Variants in TNFRSF10D observed in about 807,000 individuals in gnomAD.
The protein encoded by TNFRSF10D is tumor necrosis factor receptor superfamily member 10D.
Under a neutral mutation model 42.1 loss-of-function variants are expected in TNFRSF10D, and 28 were observed. The observed-to-expected ratio is 0.66, with a 90% CI of 0.49 to 0.91. The LOEUF is 0.91. TNFRSF10D is among the 40% of genes least tolerant of loss of function. The pLI, the probability that TNFRSF10D is intolerant of heterozygous loss-of-function variation, is 0.00. For missense variants in TNFRSF10D, 503 were observed against 486.1 expected, an observed-to-expected ratio of 1.03 and a Z score of -0.33; for synonymous variants, 186 against 189.4, an observed-to-expected ratio of 0.98 and a Z score of 0.15.
Position 23,154,765 on chromosome 8 carries a change from C to T in TNFRSF10D, c.256+109G>A, listed in dbSNP as rs571199290. The T allele has an allele frequency of 2.3e-5, 28 of 1,197,302 alleles. 1 individual carries two copies. In the Admixed American group the frequency reaches 3.1e-4, roughly 13 times the overall value. The allele number at this position is 1,197,302 out of a possible 1,614,324, so 74.2% of individuals were successfully genotyped here. ...AAGTATGTGAATTAGCTTGATTTAG[C>T]CATTTCACAATGCGTGCATATTTCC... On this transcript the variant is annotated intron_variant, in intron 2 of 8. Transcript: ENST00000312584.
intron 7 of TNFRSF10D, among the ~76,000 whole-genome samples, chr8:23,141,064 A>C (rs1057493652): frequency 6.6e-6 from 1 of 152,218 alleles, no homozygotes; most frequent in Non-Finnish European, 1.5e-5. Flanking sequence ...ATGAACTATA[A>C]GAATTCTAGA....
intron 2 of TNFRSF10D, among the ~76,000 whole-genome samples, chr8:23,149,674 C>T (rs1313743088): frequency 5.3e-5 from 8 of 152,022 alleles, no homozygotes; most frequent in African/African-American, 1.9e-4. Flanking sequence ...CGTCTCTGCT[C>T]GGTATCCCCC....
rs1363035091 is a variant in TNFRSF10D at position 23,154,883 on chromosome 8, A to G, written c.247T>C (p.Cys83Arg). 6.2e-7 allele frequency: 1 copy of G among 1,613,284 alleles called. No individual in the cohort carries two copies. Among genetic ancestry groups the G allele is most frequent in the Non-Finnish European group, 8.5e-7 (1 of 1,179,644 alleles). The change falls in exon 2 of 9, where the codon TGT becomes CGT. Residue 83 changes from cysteine (C) to arginine (R), a missense_variant. Coordinates refer to ENST00000312584, the MANE Select transcript of TNFRSF10D (RefSeq NM_003840.5). ...QQRRSLKEEE[C>R]PAGSHRSEYT... is the part of the protein sequence containing the mutation. Reference sequence around the variant, plus strand: ...AAAAATAAGAGTGCACCTGCTGGACACTCCTCCTCCTTGAGGCTGCGCCTC... The same window carrying G: ...AAAAATAAGAGTGCACCTGCTGGACGCTCCTCCTCCTTGAGGCTGCGCCTC...
intron 2 of TNFRSF10D, among the ~76,000 whole-genome samples, chr8:23,149,223 G>T (rs966869062): frequency 3.4e-5 from 5 of 146,238 alleles, no homozygotes; most frequent in Non-Finnish European, 7.5e-5. Flanking sequence ...GAAAAGAAAA[G>T]AAATATTTTA....
intron 7 of TNFRSF10D, among the ~76,000 whole-genome samples, 173 bp from the exon 8 acceptor site, chr8:23,138,433 C>G (rs1379136968): frequency 2.6e-5 from 4 of 152,166 alleles, no homozygotes; most frequent in African/African-American, 9.7e-5. Context: ...GCTGGTGGCT[C>G]ATTGAGACAT....
rs1800411359 is a variant in TNFRSF10D, at chr8:23,163,836, C to T, written c.100G>A (p.Asp34Asn). The T allele has an allele frequency of 6.2e-7, 1 of 1,607,990 alleles. No individual in the cohort carries two copies. The highest frequency in any genetic ancestry group is 1.1e-5 in the South Asian group (1 of 89,944). ...TASGTRPWLL[D>N]PKILKFVVFI... ...ACGACGAACTTAAGGATCTTGGGGT[C>T]CAGGAGCCATGGTCTGGTTCCCGAC... Residue 34 changes from aspartate to asparagine, a missense_variant, in exon 1 of 9, where the codon GAC becomes AAC. Asp to Asn is a conservative substitution (Grantham distance 23, BLOSUM62 1). Transcript: ENST00000312584.
chr8:23,140,169 A>G (rs11995373), intron 7 of TNFRSF10D, among the ~76,000 whole-genome samples: 150,265 of 152,198 alleles, frequency 0.99, 74,183 homozygotes, highest in East Asian at 1. Context: ...TGCGCCTGTA[A>G]TCCCAGCTGC....
chr8:23,145,839 T>C lies in TNFRSF10D; in HGVS notation c.565A>G (p.Thr189Ala). ...KCKNESAASS[T>A]GKTPAAEETV... ...TCCTCCGCTGCTGGGGTTTTCCCAGTGGAACTGGCAGCTGATTCATTTTTG... is the reference window on the plus strand; with the variant it reads ...TCCTCCGCTGCTGGGGTTTTCCCAGCGGAACTGGCAGCTGATTCATTTTTG... The change falls in exon 5 of 9, where the codon ACT becomes GCT. Residue 189 changes from threonine to alanine, a missense_variant. Coordinates refer to ENST00000312584, the MANE Select transcript of TNFRSF10D (RefSeq NM_003840.5). 1 of 1,614,188 alleles carries C rather than the reference T, an allele frequency of 6.2e-7. No individual in the cohort carries two copies.
chr8:23,144,356 G>T, intron 7 of TNFRSF10D, 94 bp downstream of exon 7: 1 of 1,427,066 alleles, frequency 7.0e-7, no homozygotes, highest in East Asian at 2.3e-5. Context: ...ATGTCCCCTT[G>T]GGCCAGGAAA....
intron 1 of TNFRSF10D, among the ~76,000 whole-genome samples, chr8:23,158,307 C>A (rs949734346): frequency 6.6e-5 from 10 of 152,174 alleles, no homozygotes; most frequent in African/African-American, 2.2e-4. Flanking sequence ...CCGCCTTCAA[C>A]GTAGGGTAAC....
chr8:23,163,184 C>T (rs1800400281), intron 1 of TNFRSF10D, among the ~76,000 whole-genome samples: 1 of 151,048 alleles, frequency 6.6e-6, no homozygotes, highest in Admixed American at 6.6e-5. Context: ...ACTGCAACCT[C>T]CGCCTCCCGG....
At chr8:23,141,172 G>A (rs116394592) in intron 7 of TNFRSF10D, among the ~76,000 whole-genome samples, 905 of 152,120 alleles carry the variant, frequency 5.9e-3, no homozygotes, top group African/African-American at 0.019. Context: ...ATTGTCAAGT[G>A]GCATCTAATT....
At chr8:23,145,558 C>T in intron 5 of TNFRSF10D, 110 bp downstream of exon 5, 2 of 1,531,310 alleles carry the variant, frequency 1.3e-6, no homozygotes, top group Non-Finnish European at 1.8e-6. Context: ...CCAAGCCAGG[C>T]TGGAGACGCT....
Position 23,154,970 on chromosome 8 carries a change from C to CA in TNFRSF10D, c.159dup (p.Asp54Ter). 1 of 1,610,890 alleles carries CA rather than the reference C, an allele frequency of 6.2e-7. No homozygotes were observed. ...TCCTGCCGGGGGATGGTGGCAGAGT[C>CA]AACCCGGACCTGTGGGGACAAGGCA... On this transcript the variant is annotated frameshift_variant, in exon 2 of 9. Transcript: ENST00000312584. LOFTEE classifies it high-confidence loss of function.
rs1308606636 is a variant in TNFRSF10D at position 23,137,224 on chromosome 8, A to G, written c.*646T>C. ...TAAGTCCATATGCTCATGACTTAGC[A>G]TAGGGCTACGTCTTGATAATCTCAT... On this transcript the variant is annotated 3_prime_UTR_variant, in exon 9 of 9. Coordinates refer to ENST00000312584, the MANE Select transcript of TNFRSF10D (RefSeq NM_003840.5). 6.6e-6 allele frequency: 1 copy of G among 152,298 alleles called. No individual in the cohort carries two copies. The highest frequency in any genetic ancestry group is 1.5e-5 in the Non-Finnish European group (1 of 68,098). 9.4% of individuals were successfully genotyped at this position (152,298 alleles called of 1,614,324 possible). A position where few individuals can be genotyped will look rare whatever the true frequency, so the allele number is the denominator to read the frequency against.
rs1814335863 is a variant in TNFRSF10D at position 23,136,664 on chromosome 8, C to A, written c.*1206G>T. The stretch of plus-strand genomic sequence containing the variant: ...CTAACTTAATTCTCACTGTCCTCAT[C>A]TGCTGTGGACAAGTCGGAAGATGCA... On this transcript the variant is annotated 3_prime_UTR_variant, in exon 9 of 9. Transcript: ENST00000312584. 6.6e-6 allele frequency: 1 copy of A among 152,354 alleles called. No individual in the cohort carries two copies. The highest frequency in any genetic ancestry group is 2.4e-5 in the African/African-American group (1 of 41,464). The allele number at this position is 152,354 out of a possible 1,614,324, so 9.4% of individuals were successfully genotyped here. A position where few individuals can be genotyped will look rare whatever the true frequency, so the allele number is the denominator to read the frequency against.
At chr8:23,145,563 G>A in intron 5 of TNFRSF10D, 105 bp downstream of exon 5, 2 of 1,542,916 alleles carry the variant, frequency 1.3e-6, no homozygotes, top group Non-Finnish European at 1.8e-6. Context: ...CCAGGCTGGA[G>A]ACGCTTGGAC....
chr8:23,150,280 T>C (rs7464769), intron 2 of TNFRSF10D, among the ~76,000 whole-genome samples: 28,571 of 151,984 alleles, frequency 0.19, 3,380 homozygotes, highest in East Asian at 0.59. Flanking sequence ...ACAAGGCCTA[T>C]TCCAGTGCCA....
At chr8:23,148,275 T>C (rs1374995628) in intron 3 of TNFRSF10D, among the ~76,000 whole-genome samples, 163 bp downstream of exon 3, 2 of 150,468 alleles carry the variant, frequency 1.3e-5, no homozygotes, top group African/African-American at 2.5e-5. Context: ...AAAAAAAAGA[T>C]TTCTATTTTT....
Sources: allele counts gnomAD v4.1 joint callset (sites outside exome capture counted in the v4.1 genomes callset), GRCh38; gene constraint gnomAD v4.1.1; transcripts MANE v1.5; gene names NCBI Gene and HGNC (gene_info 2026-07-23, HGNC 2026-07-21).